Variants in RASA1 observed in about 807,000 individuals in gnomAD.
RASA1 encodes the protein RAS p21 protein activator 1.
RASA1 carries 25 observed loss-of-function variants against 132.2 expected under a neutral mutation model. The ratio of observed to expected loss-of-function variants is 0.19; its 90% CI spans 0.14 to 0.26. The LOEUF is 0.26. Ranked by LOEUF, RASA1 falls within the 10% of genes least tolerant of loss-of-function variation. The pLI is 1.00. For synonymous variants in RASA1, 477 were observed against 449.9 expected (o/e 1.06, Z -0.76); for missense variants, 964 against 1,299.2 (o/e 0.74, Z 3.97).
chr5:87,331,574 A>G, intron 2 of RASA1, 74 bp downstream of exon 2: 1 of 1,472,952 alleles, frequency 6.8e-7, no homozygotes, highest in Non-Finnish European at 9.4e-7. Flanking sequence ...ATACCTGTAT[A>G]ATAAAGGTGA....
At chr5:87,328,731 AG>A (rs1297530063) in intron 1 of RASA1, among the ~76,000 whole-genome samples, 2 of 152,162 alleles carry the variant, frequency 1.3e-5, no homozygotes, top group East Asian at 3.9e-4. Flanking sequence ...ATCTCTCAGT[AG>A]GGTAAAATTT....
chr5:87,350,157 G>GA (rs1245122052), intron 8 of RASA1, among the ~76,000 whole-genome samples: 1 of 151,836 alleles, frequency 6.6e-6, no homozygotes, highest in South Asian at 2.1e-4. Context: ...TTGTTTATCT[G>GA]AAAAAAACCA....
At chr5:87,304,963 G>A (rs1397562447) in intron 1 of RASA1, among the ~76,000 whole-genome samples, 1 of 23,846 alleles carries the variant, frequency 4.2e-5, no homozygotes, top group South Asian at 1.1e-3. Flanking sequence ...TTTTTTTTTT[G>A]GTAAACGTCA....
chr5:87,269,561 C>T (rs891984683), intron 1 of RASA1, among the ~76,000 whole-genome samples: 1 of 152,154 alleles, frequency 6.6e-6, no homozygotes, highest in African/African-American at 2.4e-5. Flanking sequence ...GAAAGGAATC[C>T]TGTGTATTAT....
At chr5:87,361,349 ATAAT>A (rs1349654217) in intron 9 of RASA1, among the ~76,000 whole-genome samples, 1 of 152,212 alleles carries the variant, frequency 6.6e-6, no homozygotes, top group Non-Finnish European at 1.5e-5. Flanking sequence ...TAACTTGGGA[ATAAT>A]TCTGAGTAAT....
At chr5:87,283,064 C>T (rs1334988822) in intron 1 of RASA1, among the ~76,000 whole-genome samples, 1 of 149,830 alleles carries the variant, frequency 6.7e-6, no homozygotes, top group Non-Finnish European at 1.5e-5. Flanking sequence ...CCATAGATCT[C>T]TTGAACTTAT....
intron 12 of RASA1, among the ~76,000 whole-genome samples, chr5:87,370,890 C>T (rs1208880154): frequency 6.6e-6 from 1 of 152,094 alleles, no homozygotes; most frequent in Non-Finnish European, 1.5e-5. Context: ...AATGAGCTTA[C>T]AACTGAACGT....
intron 1 of RASA1, among the ~76,000 whole-genome samples, chr5:87,286,820 ACACT>A (rs1275791627): frequency 2.0e-5 from 3 of 150,236 alleles, no homozygotes; most frequent in Non-Finnish European, 3.0e-5. Context: ...ATACACACAC[ACACT>A]CACATATATA....
intron 1 of RASA1, among the ~76,000 whole-genome samples, chr5:87,270,517 T>C (rs1225589779): frequency 6.6e-6 from 1 of 151,512 alleles, no homozygotes; most frequent in Non-Finnish European, 1.5e-5. Context: ...CTGGCTAATT[T>C]TTGTATTTTT....
chr5:87,389,081 A>C (rs1215575975), intron 23 of RASA1, among the ~76,000 whole-genome samples: 1 of 152,184 alleles, frequency 6.6e-6, no homozygotes, highest in Non-Finnish European at 1.5e-5. Flanking sequence ...AATCTTTAGA[A>C]TTTTAAGAGA....
intron 10 of RASA1, among the ~76,000 whole-genome samples, chr5:87,363,104 A>C (rs918789578): frequency 3.3e-5 from 5 of 152,026 alleles, no homozygotes; most frequent in African/African-American, 1.2e-4. Flanking sequence ...CATCATGATG[A>C]AATCTCTGAA....
intron 1 of RASA1, among the ~76,000 whole-genome samples, chr5:87,303,155 A>T (rs1399549056): frequency 2.0e-5 from 3 of 152,178 alleles, no homozygotes; most frequent in Admixed American, 6.5e-5. Flanking sequence ...TTCTCAATGT[A>T]TAATAGCACG....
At chr5:87,390,106 C>T (rs1036861424) in intron 24 of RASA1, among the ~76,000 whole-genome samples, 1 of 152,160 alleles carries the variant, frequency 6.6e-6, no homozygotes, top group Non-Finnish European at 1.5e-5. Flanking sequence ...CTGCACCAAA[C>T]AGATACAGAT....
intron 9 of RASA1, among the ~76,000 whole-genome samples, chr5:87,354,776 A>C (rs951756822): frequency 6.6e-6 from 1 of 152,216 alleles, no homozygotes; most frequent in Non-Finnish European, 1.5e-5. Context: ...TGTGAATGCA[A>C]AGGAAGAGTT....
At chr5:87,275,683 G>A (rs1046865397) in intron 1 of RASA1, among the ~76,000 whole-genome samples, 7 of 151,904 alleles carry the variant, frequency 4.6e-5, no homozygotes, top group African/African-American at 1.5e-4. Context: ...CATTTCTCCT[G>A]TCTCAGCCTC....
chr5:87,327,896 C>T (rs780142307), intron 1 of RASA1, among the ~76,000 whole-genome samples: 17 of 150,364 alleles, frequency 1.1e-4, no homozygotes, highest in Non-Finnish European at 2.1e-4. Context: ...ACCCAGGAGG[C>T]GGAGGTTGCA....
At chr5:87,298,367 C>T (rs1275353197) in intron 1 of RASA1, among the ~76,000 whole-genome samples, 1 of 147,284 alleles carries the variant, frequency 6.8e-6, no homozygotes, top group Non-Finnish European at 1.5e-5. Context: ...CTAGATCGTA[C>T]ATGCCACTGC....
At chr5:87,337,526 TTATG>T (rs1182317343) in intron 4 of RASA1, among the ~76,000 whole-genome samples, 1 of 152,066 alleles carries the variant, frequency 6.6e-6, no homozygotes, top group African/African-American at 2.4e-5. Flanking sequence ...ACTCTATATC[TTATG>T]TATGTATAGT....
At chr5:87,321,403 C>A (rs143154074) in intron 1 of RASA1, among the ~76,000 whole-genome samples, 21 of 152,294 alleles carry the variant, frequency 1.4e-4, no homozygotes, top group Admixed American at 5.9e-4. Context: ...AGATTCCCAA[C>A]GGCTGAGGGC....
Sources: allele counts gnomAD v4.1 joint callset (sites outside exome capture counted in the v4.1 genomes callset), GRCh38; gene constraint gnomAD v4.1.1; transcripts MANE v1.5; gene names NCBI Gene and HGNC (gene_info 2026-07-23, HGNC 2026-07-21).